FNIP1: variants seen among roughly 807,000 people sequenced by gnomAD.
FNIP1 encodes folliculin-interacting protein 1.
FNIP1 carries 40 observed loss-of-function variants against 124.5 expected under a neutral mutation model. The observed-to-expected ratio is 0.32, with a 90% CI of 0.25 to 0.42. FNIP1 has a LOEUF of 0.42. Ranked by LOEUF, FNIP1 falls within the 10% of genes least tolerant of loss-of-function variation. The pLI is 1.00. For missense variants in FNIP1, 1,176 were observed against 1,403.7 expected (o/e 0.84, Z 2.59); for synonymous variants, 472 against 470.6 (o/e 1.00, Z -0.04).
intron 1 of FNIP1, among the ~76,000 whole-genome samples, chr5:131,765,413 T>C (rs1771386684): frequency 6.6e-6 from 1 of 152,208 alleles, no homozygotes; most frequent in Admixed American, 6.5e-5. Flanking sequence ...TTTCAGTGAA[T>C]GTAAGTGTTT....
intron 15 of FNIP1, among the ~76,000 whole-genome samples, chr5:131,663,619 T>C (rs1190364052): frequency 6.6e-6 from 1 of 152,254 alleles, no homozygotes; most frequent in Non-Finnish European, 1.5e-5. Flanking sequence ...GCTGGATGCT[T>C]TAAGGTGATA....
intron 11 of FNIP1, among the ~76,000 whole-genome samples, chr5:131,694,028 T>A (rs1474795164): frequency 6.6e-6 from 1 of 152,162 alleles, no homozygotes; most frequent in African/African-American, 2.4e-5. Context: ...GATACATCAC[T>A]ACCTGCCTCT....
intron 6 of FNIP1, 99 bp from the exon 7 acceptor site, chr5:131,710,760 C>T: frequency 1.2e-6 from 1 of 857,438 alleles, no homozygotes; most frequent in Non-Finnish European, 1.8e-6. Context: ...CAAGAGCAGA[C>T]CAACAAATAT....
chr5:131,791,193 C>T (rs1772395944), intron 1 of FNIP1, among the ~76,000 whole-genome samples: 2 of 152,138 alleles, frequency 1.3e-5, no homozygotes, highest in Non-Finnish European at 2.9e-5. Context: ...CAAGGAGTAA[C>T]CAAATAGTTG....
intron 1 of FNIP1, among the ~76,000 whole-genome samples, chr5:131,777,920 A>T (rs1262875534): frequency 6.6e-6 from 1 of 152,154 alleles, no homozygotes; most frequent in Non-Finnish European, 1.5e-5. Context: ...TGAAATAATA[A>T]TTACTGTAAT....
intron 11 of FNIP1, among the ~76,000 whole-genome samples, chr5:131,693,333 CATATATATATATATATATAT>C (rs70974007): frequency 2.0e-5 from 1 of 50,124 alleles, no homozygotes; most frequent in Non-Finnish European, 4.0e-5. Context: ...TATATATATA[CATATATATATATATATATAT>C]ATATATATAG....
chr5:131,794,354 A>AT (rs1256123257), intron 1 of FNIP1, among the ~76,000 whole-genome samples: 1 of 152,004 alleles, frequency 6.6e-6, no homozygotes, highest in Non-Finnish European at 1.5e-5. Flanking sequence ...TGTAACCTTC[A>AT]TGCATTGCTA....
intron 1 of FNIP1, among the ~76,000 whole-genome samples, chr5:131,773,407 A>C (rs1388390936): frequency 6.6e-6 from 1 of 152,186 alleles, no homozygotes; most frequent in African/African-American, 2.4e-5. Context: ...TGACCCACAC[A>C]GATCTGTGGT....
chr5:131,715,915 C>T (rs184644035), intron 6 of FNIP1, among the ~76,000 whole-genome samples: 4 of 152,156 alleles, frequency 2.6e-5, no homozygotes, highest in African/African-American at 7.2e-5. Flanking sequence ...ATTCTAATTG[C>T]TATCCCATTC....
rs139012478 is a variant in FNIP1, at chr5:131,653,976, G to A, written c.3109-1977C>T. Among the ~76,000 whole-genome samples the A allele has an allele frequency of 4.8e-3, 724 of 152,262 alleles. 8 individuals carry two copies. The highest frequency in any genetic ancestry group is 0.016 in the African/African-American group (682 of 41,558). ...AGGCTGGTCTCGAACTCCTGACCTC[G>A]CAATCCACCTACCTTGGCCTCCCAA... On this transcript the variant is annotated intron_variant, in intron 15 of 17. Transcript: ENST00000510461.
Position 131,644,580 on chromosome 5 carries a change from A to C in FNIP1, c.*105T>G. 2 of 926,758 alleles carry C rather than the reference A, an allele frequency of 2.2e-6. No homozygotes were observed. Among genetic ancestry groups the C allele is most frequent in the Non-Finnish European group, 3.4e-6 (2 of 585,516 alleles). The allele number at this position is 926,758 out of a possible 1,614,324, so 57.4% of individuals were successfully genotyped here. A position where few individuals can be genotyped will look rare whatever the true frequency, so the allele number is the denominator to read the frequency against. On this transcript the variant is annotated 3_prime_UTR_variant, in exon 18 of 18. Transcript: ENST00000510461. ...GAATACCCTGGTGACTGACTCATTC[A>C]GATGGAAGTCTAAAAGGGAAAAAGA... is the stretch of plus-strand genomic sequence containing the variant.
intron 2 of FNIP1, among the ~76,000 whole-genome samples, chr5:131,739,328 C>T (rs575201475): frequency 1.3e-5 from 2 of 152,070 alleles, no homozygotes; most frequent in Admixed American, 6.5e-5. Context: ...CAGTAAGACG[C>T]CATCTTTAAA....
chr5:131,663,424 T>C (rs1767506208), intron 15 of FNIP1, among the ~76,000 whole-genome samples: 1 of 152,188 alleles, frequency 6.6e-6, no homozygotes, highest in Non-Finnish European at 1.5e-5. Context: ...CTCCAATTAA[T>C]TGGCTTAAAG....
chr5:131,715,019 C>A (rs1017647771), intron 6 of FNIP1, among the ~76,000 whole-genome samples: 10 of 152,214 alleles, frequency 6.6e-5, no homozygotes, highest in East Asian at 5.8e-4. Flanking sequence ...GACACACACA[C>A]AAAAAATCCT....
intron 15 of FNIP1, among the ~76,000 whole-genome samples, chr5:131,666,194 T>A (rs1196358165): frequency 6.6e-6 from 1 of 152,158 alleles, no homozygotes; most frequent in East Asian, 1.9e-4. Flanking sequence ...GCCAAATAAT[T>A]TTTTTAGAAA....
At chr5:131,700,510 T>G (rs1768863272) in intron 10 of FNIP1, among the ~76,000 whole-genome samples, 1 of 152,216 alleles carries the variant, frequency 6.6e-6, no homozygotes, top group South Asian at 2.1e-4. Context: ...CATGTTCCTG[T>G]ACACCCAAAA....
chr5:131,795,270 T>C (rs1036392577), intron 1 of FNIP1, among the ~76,000 whole-genome samples: 2 of 152,222 alleles, frequency 1.3e-5, no homozygotes, highest in Admixed American at 6.5e-5. Flanking sequence ...GTAAGATTGC[T>C]GTGAAACATC....
intron 6 of FNIP1, among the ~76,000 whole-genome samples, chr5:131,710,908 C>T (rs1769270362): frequency 1.3e-5 from 2 of 152,114 alleles, no homozygotes; most frequent in South Asian, 2.1e-4. Context: ...GTAATAAAAA[C>T]AAGCTTCTGC....
chr5:131,779,219 T>C (rs1771914333), intron 1 of FNIP1, among the ~76,000 whole-genome samples: 1 of 150,932 alleles, frequency 6.6e-6, no homozygotes, highest in Admixed American at 6.6e-5. Flanking sequence ...CAAATAAGTA[T>C]GTGAACTCTG....
Sources: gnomAD v4.1 joint callset for allele counts (sites outside exome capture counted in the v4.1 genomes callset) on GRCh38, gnomAD v4.1.1 for gene constraint, MANE v1.5 for transcripts, NCBI Gene and HGNC (gene_info 2026-07-23, HGNC 2026-07-21) for gene names.